The following AQP1 variants were observed in gnomAD, a reference collection of about 807,000 sequenced individuals.
The protein encoded by AQP1 is aquaporin-1.
In AQP1, 11 loss-of-function variants were observed where a neutral mutation model predicts 19.7. The ratio of observed to expected loss-of-function variants is 0.56; its 90% CI spans 0.35 to 0.92. AQP1 has a LOEUF of 0.92. AQP1 is among the 40% of genes least tolerant of loss of function. The pLI is 0.01. For synonymous variants in AQP1, 159 were observed against 166.7 expected (o/e 0.95, Z 0.36); for missense variants, 320 against 369.7 (o/e 0.87, Z 1.10).
At chr7:30,918,076 G>T (rs1025553925) in intron 1 of AQP1, among the ~76,000 whole-genome samples, 3 of 151,576 alleles carry the variant, frequency 2.0e-5, no homozygotes, top group Non-Finnish European at 4.4e-5. Flanking sequence ...CTCACTGCAA[G>T]TTCTGCCTCC....
rs963810261 is a variant in AQP1, at chr7:30,921,512, G to A, written c.385-554G>A. On this transcript the variant is annotated intron_variant, in intron 1 of 3. Transcript: ENST00000311813. ...AGAGAGAGGGTGGAGACAATAGGGA[G>A]GCAGGCACAGAGGAGAAAGAGGGGT... 1.1e-5 allele frequency: 16 copies of A among 1,507,740 alleles called. 1 individual carries two copies. The highest frequency in any genetic ancestry group is 6.2e-5 in the Admixed American group (3 of 48,346). 93.4% of individuals were successfully genotyped at this position (1,507,740 alleles called of 1,614,324 possible). A position where few individuals can be genotyped will look rare whatever the true frequency, so the allele number is the denominator to read the frequency against.
Position 30,913,806 on chromosome 7 carries a change from T to G in AQP1, c.384+1513T>G, listed in dbSNP as rs118042081. ...CCAGTTTAGACGTGGCCGCGGGGGA[T>G]GTACGGGACAGAGCTCAGGCAGGCC... On this transcript the variant is annotated intron_variant, in intron 1 of 3. Coordinates refer to ENST00000311813, the MANE Select transcript of AQP1 (RefSeq NM_198098.4). 1.2e-3 allele frequency among the ~76,000 whole-genome samples: 177 copies of G among 151,854 alleles called. 2 individuals carry two copies. The East Asian group carries it at 0.03, about 26-fold the overall frequency.
chr7:30,920,979 C>G (rs924743897), intron 1 of AQP1, among the ~76,000 whole-genome samples: 1 of 152,202 alleles, frequency 6.6e-6, no homozygotes, highest in Non-Finnish European at 1.5e-5. Flanking sequence ...GCAAAATTCT[C>G]TATGGCCTTG....
intron 1 of AQP1, among the ~76,000 whole-genome samples, chr7:30,920,102 G>T (rs762165248): frequency 6.6e-6 from 1 of 152,192 alleles, no homozygotes; most frequent in Non-Finnish European, 1.5e-5. Context: ...CTCGCACCTG[G>T]TTAAGAACCA....
intron 1 of AQP1, among the ~76,000 whole-genome samples, chr7:30,920,954 C>G (rs150559452): frequency 3.3e-4 from 51 of 152,266 alleles, no homozygotes; most frequent in Non-Finnish European, 6.5e-4. Flanking sequence ...GGTGTGCCCC[C>G]CTACCTTGGA....
chr7:30,924,638 T>C lies in AQP1; in HGVS notation c.*1009T>C, dbSNP rs1791631072. 6.6e-6 allele frequency: 1 copy of C among 152,246 alleles called. No individual in the cohort carries two copies. The highest frequency in any genetic ancestry group is 2.4e-5 in the African/African-American group (1 of 41,468). 9.4% of individuals were successfully genotyped at this position (152,246 alleles called of 1,614,324 possible). On this transcript the variant is annotated 3_prime_UTR_variant, in exon 4 of 4. Transcript: ENST00000311813. ...TAGACACAGGTCACCATTATGCTGG[T>C]GTATGTTTATCAAAGAGCACTTGAG...
At chr7:30,918,483 G>A (rs947998533) in intron 1 of AQP1, among the ~76,000 whole-genome samples, 2 of 152,318 alleles carry the variant, frequency 1.3e-5, no homozygotes, top group Admixed American at 6.5e-5. Context: ...CACCCATGGA[G>A]GAGTGACACT....
At chr7:30,920,403 C>G (rs1791469079) in intron 1 of AQP1, among the ~76,000 whole-genome samples, 1 of 152,184 alleles carries the variant, frequency 6.6e-6, no homozygotes, top group Non-Finnish European at 1.5e-5. Context: ...CCCATTCAGC[C>G]TGTCCTAACT....
chr7:30,921,930 T>C, intron 1 of AQP1, 136 bp from the exon 2 acceptor site: 1 of 1,551,708 alleles, frequency 6.4e-7, no homozygotes, highest in Non-Finnish European at 8.8e-7. Flanking sequence ...CCTGGGACCC[T>C]GTGATGGGCT....
chr7:30,923,695 T>C lies in AQP1; in HGVS notation c.*66T>C. ...GGGGCGGGCGGAGGGAGGGGAGGGGTGAAATCCATACTGTAGACACTCTGA... is the reference window on the plus strand; with the variant it reads ...GGGGCGGGCGGAGGGAGGGGAGGGGCGAAATCCATACTGTAGACACTCTGA... On this transcript the variant is annotated 3_prime_UTR_variant, in exon 4 of 4. Transcript: ENST00000311813. The surrounding 1 kb of genome is among the most constrained non-coding windows in gnomAD (Gnocchi z 4.8). 1 of 1,505,404 alleles carries C rather than the reference T, an allele frequency of 6.6e-7. No homozygotes were observed. The highest frequency in any genetic ancestry group is 1.3e-5 in the South Asian group (1 of 77,138). The allele number at this position is 1,505,404 out of a possible 1,614,324, so 93.3% of individuals were successfully genotyped here.
Position 30,922,173 on chromosome 7 carries a change from TG to T in AQP1, c.494del (p.Gly165ValfsTer12), listed in dbSNP as rs773268484. The T allele has an allele frequency of 2.5e-6, 4 of 1,612,296 alleles. No individual in the cohort carries two copies. The South Asian group carries it at 4.4e-5, about 18-fold the overall frequency. Reference protein sequence around the residue: ...ATTDRRRRDLGGSAPLAIGLS... With the variant: ...ATTDRRRRDLXGSAPLAIGLS... Reference sequence around the variant, plus strand: ...CTACCGACCGGAGGCGCCGTGACCTTGGTGGCTCAGCCCCCCTTGCCATCGG... The same window carrying T: ...CTACCGACCGGAGGCGCCGTGACCTTGTGGCTCAGCCCCCCTTGCCATCGG... On this transcript the variant is annotated frameshift_variant, in exon 2 of 4. Coordinates refer to ENST00000311813, the MANE Select transcript of AQP1 (RefSeq NM_198098.4). LOFTEE classifies it high-confidence loss of function.
chr7:30,917,414 ATT>A (rs143408621), intron 1 of AQP1, among the ~76,000 whole-genome samples: 1 of 152,264 alleles, frequency 6.6e-6, no homozygotes, highest in Non-Finnish European at 1.5e-5. Context: ...TGCTTTGTGT[ATT>A]GTTTCTTGTC....
intron 1 of AQP1, among the ~76,000 whole-genome samples, chr7:30,920,878 A>G (rs980694125): frequency 1.3e-5 from 2 of 152,236 alleles, no homozygotes; most frequent in South Asian, 2.1e-4. Context: ...CCAGGGCTGC[A>G]GACAAAGGCG....
At position 30,924,031 on chromosome 7, in the gene AQP1, G is replaced by A. The variant is rs750340071; in HGVS notation, c.*402G>A. 36 of 1,308,580 alleles carry A rather than the reference G, an allele frequency of 2.8e-5. No homozygotes were observed. Among genetic ancestry groups the A allele is most frequent in the Middle Eastern group, 2.5e-4 (1 of 3,958 alleles). The allele number at this position is 1,308,580 out of a possible 1,614,324, so 81.1% of individuals were successfully genotyped here. A position where few individuals can be genotyped will look rare whatever the true frequency, so the allele number is the denominator to read the frequency against. ...GTAATTGCTTTGTGCCTTTGGGCAC[G>A]GCCCTCCTTCTTTTCCTAACATGCA... On this transcript the variant is annotated 3_prime_UTR_variant, in exon 4 of 4. Coordinates refer to ENST00000311813, the MANE Select transcript of AQP1 (RefSeq NM_198098.4).
chr7:30,923,359 C>T lies in AQP1; in HGVS notation c.631-91C>T, dbSNP rs961289441. The T allele has an allele frequency of 1.9e-6, 3 of 1,595,272 alleles. No homozygotes were observed. Among genetic ancestry groups the T allele is most frequent in the Admixed American group, 1.7e-5 (1 of 58,060 alleles). On this transcript the variant is annotated intron_variant, in intron 3 of 3. Transcript: ENST00000311813. The surrounding 1 kb of genome is among the most constrained non-coding windows in gnomAD (Gnocchi z 4.8). Reference sequence around the variant, plus strand: ...TCCATCCCAGGTGGGAAAAACCTGTCCAACGGGGTGGTGGGCTGTGGGGTA... The same window carrying T: ...TCCATCCCAGGTGGGAAAAACCTGTTCAACGGGGTGGTGGGCTGTGGGGTA...
At chr7:30,922,459 C>T in intron 2 of AQP1, 105 bp from the exon 3 acceptor site, 1 of 1,342,060 alleles carries the variant, frequency 7.5e-7, no homozygotes, top group Non-Finnish European at 1.1e-6. Flanking sequence ...TCATTGTCCC[C>T]CACCCTGATT....
At chr7:30,914,796 G>T (rs1190134447) in intron 1 of AQP1, among the ~76,000 whole-genome samples, 14 of 152,256 alleles carry the variant, frequency 9.2e-5, no homozygotes, top group Non-Finnish European at 1.9e-4. Context: ...GAAAGATGTG[G>T]CAGGAAGTGG....
chr7:30,920,616 A>G (rs1174304770), intron 1 of AQP1, among the ~76,000 whole-genome samples: 2 of 152,200 alleles, frequency 1.3e-5, no homozygotes, highest in Non-Finnish European at 1.5e-5. Flanking sequence ...GGCACGGACA[A>G]TGAGATCCAT....
chr7:30,921,490 G>C, intron 1 of AQP1: 1 of 1,484,808 alleles, frequency 6.7e-7, no homozygotes, highest in African/African-American at 1.4e-5. Flanking sequence ...GAAGGAGAGA[G>C]AGAGGGTGGA....
Sources: allele counts gnomAD v4.1 joint callset (sites outside exome capture counted in the v4.1 genomes callset), GRCh38; gene constraint gnomAD v4.1.1; non-coding constraint Gnocchi (gnomAD v3.1); transcripts MANE v1.5; gene names NCBI Gene and HGNC (gene_info 2026-07-23, HGNC 2026-07-21).